The following GRIA4 variants were observed in gnomAD, a reference collection of about 807,000 sequenced individuals.
GRIA4 encodes the protein glutamate receptor 4.
In GRIA4, 34 loss-of-function variants were observed where a neutral mutation model predicts 104.0. That is an observed-to-expected ratio of 0.33 (90% CI 0.25 to 0.44). GRIA4 has a LOEUF of 0.44. GRIA4 is among the 20% of genes least tolerant of loss of function. GRIA4 has a pLI of 1.00. For missense variants in GRIA4, 750 were observed against 1,096.5 expected (o/e 0.68, Z 4.46); for synonymous variants, 386 against 381.9 (o/e 1.01, Z -0.13).
At chr11:105,856,787 C>T (rs1174943253) in intron 4 of GRIA4, among the ~76,000 whole-genome samples, 5 of 152,064 alleles carry the variant, frequency 3.3e-5, no homozygotes, top group African/African-American at 4.8e-5. Context: ...AATCAGAAGA[C>T]AGTAAATGTT....
chr11:105,971,995 A>G lies in GRIA4; in HGVS notation c.2376A>G (p.Lys792=), dbSNP rs1309086969. 9.3e-6 allele frequency: 15 copies of G among 1,612,662 alleles called. No homozygotes were observed. The highest frequency in any genetic ancestry group is 1.3e-5 in the Non-Finnish European group (15 of 1,178,970). Residue 792 remains lysine, a synonymous_variant, in exon 15 of 17, where the codon AAA becomes AAG. Transcript: ENST00000282499. Reference sequence around the variant, plus strand: ...TGAAAAACAAATGGTGGTACGATAAAGGTGAATGTGGACCCAAGGACTCTG... The same window carrying G: ...TGAAAAACAAATGGTGGTACGATAAGGGTGAATGTGGACCCAAGGACTCTG... ...DKLKNKWWYD[K]GECGPKDSGS...
chr11:105,785,712 G>A (rs1033184895), intron 4 of GRIA4, among the ~76,000 whole-genome samples: 1 of 152,092 alleles, frequency 6.6e-6, no homozygotes, highest in African/African-American at 2.4e-5. Context: ...TTTCTAAACT[G>A]ATATTATCTG....
chr11:105,912,208 A>G, intron 10 of GRIA4: 1 of 996,908 alleles, frequency 1.0e-6, no homozygotes, highest in Non-Finnish European at 1.2e-6. Flanking sequence ...ATGGAATTAT[A>G]TCACTCCATT....
chr11:105,849,650 A>C (rs1054872795), intron 4 of GRIA4, among the ~76,000 whole-genome samples: 4 of 152,198 alleles, frequency 2.6e-5, no homozygotes, highest in African/African-American at 9.7e-5. Flanking sequence ...GCCTCAGATA[A>C]GGAGAGTGCT....
chr11:105,835,185 G>C (rs773190001), intron 4 of GRIA4, among the ~76,000 whole-genome samples: 13 of 151,558 alleles, frequency 8.6e-5, no homozygotes, highest in Non-Finnish European at 1.8e-4. Flanking sequence ...TTTAAAAATT[G>C]AAACAGTAGA....
intron 6 of GRIA4, among the ~76,000 whole-genome samples, chr11:105,894,554 G>T (rs899689949): frequency 2.6e-5 from 4 of 152,106 alleles, no homozygotes; most frequent in African/African-American, 9.7e-5. Flanking sequence ...TTGCTCAGTT[G>T]CCAGTAGACT....
intron 3 of GRIA4, among the ~76,000 whole-genome samples, chr11:105,657,821 A>G (rs1951888379): frequency 6.6e-6 from 1 of 151,998 alleles, no homozygotes; most frequent in African/African-American, 2.4e-5. Flanking sequence ...GTAATATAAA[A>G]AGAAAAAATA....
intron 5 of GRIA4, among the ~76,000 whole-genome samples, chr11:105,866,551 G>GTGTGTGTATATATATA (rs1299256765): frequency 2.0e-4 from 15 of 76,746 alleles, no homozygotes; most frequent in African/African-American, 9.1e-4. Flanking sequence ...GTGTGTGTGT[G>GTGTGTGTATATATATA]TATATATATA....
intron 10 of GRIA4, among the ~76,000 whole-genome samples, chr11:105,914,112 T>C (rs1367181139): frequency 3.3e-5 from 5 of 151,780 alleles, no homozygotes; most frequent in African/African-American, 1.2e-4. Flanking sequence ...ATTTTCTTCC[T>C]TATACAAAAT....
chr11:105,863,690 C>A (rs966590711), intron 5 of GRIA4, among the ~76,000 whole-genome samples: 1 of 152,148 alleles, frequency 6.6e-6, no homozygotes, highest in African/African-American at 2.4e-5. Context: ...AAATAACTCA[C>A]GATGAATCCC....
chr11:105,841,987 T>G (rs971919877), intron 4 of GRIA4, among the ~76,000 whole-genome samples: 6 of 152,038 alleles, frequency 3.9e-5, no homozygotes, highest in Non-Finnish European at 7.4e-5. Context: ...AAGTGGGGTG[T>G]TTTTTAATTT....
At chr11:105,963,938 T>C (rs765522170) in intron 14 of GRIA4, among the ~76,000 whole-genome samples, 1 of 152,152 alleles carries the variant, frequency 6.6e-6, no homozygotes, top group African/African-American at 2.4e-5. Context: ...TATTACTTCA[T>C]TTTTAAAAAT....
intron 4 of GRIA4, among the ~76,000 whole-genome samples, chr11:105,777,783 A>G (rs1941515694): frequency 6.6e-6 from 1 of 152,210 alleles, no homozygotes; most frequent in South Asian, 2.1e-4. Flanking sequence ...ATAGATGCAC[A>G]ATAACAACCA....
At chr11:105,954,801 T>C (rs1948542465) in intron 14 of GRIA4, among the ~76,000 whole-genome samples, 1 of 151,946 alleles carries the variant, frequency 6.6e-6, no homozygotes, top group South Asian at 2.1e-4. Context: ...GGTCTGAGCA[T>C]GAGTATTTGC....
intron 10 of GRIA4, chr11:105,912,095 T>G: frequency 9.0e-7 from 1 of 1,107,798 alleles, no homozygotes; most frequent in Non-Finnish European, 1.1e-6. Context: ...AAAAGAAGAA[T>G]TAATCTTCAT....
chr11:105,861,214 T>C (rs1458438745), intron 4 of GRIA4, among the ~76,000 whole-genome samples: 1 of 152,092 alleles, frequency 6.6e-6, no homozygotes, highest in Non-Finnish European at 1.5e-5. Flanking sequence ...CCTGCATCAG[T>C]CTTGCACGCT....
chr11:105,974,557 G>T, intron 16 of GRIA4, 113 bp downstream of exon 16: 1 of 1,612,942 alleles, frequency 6.2e-7, no homozygotes, highest in Non-Finnish European at 8.5e-7. Context: ...AAAATTTAGG[G>T]GTAGGACTTA....
At chr11:105,928,483 T>C (rs73544619) in intron 13 of GRIA4, among the ~76,000 whole-genome samples, 1 of 151,982 alleles carries the variant, frequency 6.6e-6, no homozygotes, top group Non-Finnish European at 1.5e-5. Context: ...ATAGAAACAT[T>C]ACTACTCTAA....
At chr11:105,694,529 C>G (rs1449413231) in intron 3 of GRIA4, among the ~76,000 whole-genome samples, 3 of 151,908 alleles carry the variant, frequency 2.0e-5, no homozygotes, top group Admixed American at 2.0e-4. Flanking sequence ...AACATATAAT[C>G]AACATAAATA....
Sources: allele counts gnomAD v4.1 joint callset (sites outside exome capture counted in the v4.1 genomes callset), GRCh38; gene constraint gnomAD v4.1.1; transcripts MANE v1.5; gene names NCBI Gene and HGNC (gene_info 2026-07-23, HGNC 2026-07-21).